The following ROS1 variants were observed in gnomAD, a reference collection of about 807,000 sequenced individuals.
ROS1 encodes proto-oncogene tyrosine-protein kinase ROS.
Under a neutral mutation model 273.5 loss-of-function variants are expected in ROS1, and 263 were observed. The ratio of observed to expected loss-of-function variants is 0.96; its 90% CI spans 0.87 to 1.06. The LOEUF (loss-of-function observed/expected upper bound fraction) is 1.06, where lower values mean the gene tolerates loss of function less well. ROS1 is among the 50% of genes least tolerant of loss of function. The pLI is 0.00. For synonymous variants in ROS1, 1,008 were observed against 954.1 expected, an observed-to-expected ratio of 1.06 and a Z score of -1.04; for missense variants, 2,833 against 2,751.1, an observed-to-expected ratio of 1.03 and a Z score of -0.67.
At chr6:117,353,232 T>G (rs1340186206) in intron 26 of ROS1, 66 bp from the exon 27 acceptor site, 2 of 1,196,438 alleles carry the variant, frequency 1.7e-6, no homozygotes, top group Non-Finnish European at 2.3e-6. Flanking sequence ...ACTCTAAAAA[T>G]GTATGAAATT....
At chr6:117,307,570 TC>T (rs1348481820) in intron 42 of ROS1, among the ~76,000 whole-genome samples, 1 of 152,002 alleles carries the variant, frequency 6.6e-6, no homozygotes, top group Non-Finnish European at 1.5e-5. Context: ...TTTCCCCATT[TC>T]CCCCCAAAAT....
chr6:117,388,764 C>T (rs1772805383), intron 13 of ROS1, among the ~76,000 whole-genome samples: 1 of 152,190 alleles, frequency 6.6e-6, no homozygotes, highest in South Asian at 2.1e-4. Context: ...AAGTGCTCTA[C>T]TAATGTGTTT....
chr6:117,386,804 C>G (rs1772615745), intron 15 of ROS1, 85 bp downstream of exon 15: 1 of 639,674 alleles, frequency 1.6e-6, no homozygotes. Context: ...ACAAAAATAC[C>G]CTATTCTTTT....
chr6:117,344,544 T>C (rs976627841), intron 27 of ROS1, among the ~76,000 whole-genome samples: 3 of 152,204 alleles, frequency 2.0e-5, no homozygotes, highest in African/African-American at 7.2e-5. Flanking sequence ...CTGATATTGT[T>C]CAGGGCAGTA....
chr6:117,378,060 T>A (rs954776529), intron 18 of ROS1, among the ~76,000 whole-genome samples: 6 of 152,156 alleles, frequency 3.9e-5, no homozygotes, highest in Non-Finnish European at 5.9e-5. Flanking sequence ...GAACCACAAT[T>A]TTCATACATT....
chr6:117,384,537 T>C (rs1224611610), intron 16 of ROS1, among the ~76,000 whole-genome samples: 1 of 152,222 alleles, frequency 6.6e-6, no homozygotes, highest in Admixed American at 6.5e-5. Context: ...GCTGGACAAA[T>C]AAATAAATGG....
chr6:117,375,607 C>T (rs1446344751), intron 18 of ROS1, among the ~76,000 whole-genome samples: 1 of 151,942 alleles, frequency 6.6e-6, no homozygotes, highest in Admixed American at 6.6e-5. Flanking sequence ...TAAAACAATA[C>T]AATAAATGTA....
chr6:117,420,668 G>T (rs79320965), intron 1 of ROS1, among the ~76,000 whole-genome samples: 3,429 of 151,608 alleles, frequency 0.023, 50 homozygotes, highest in Middle Eastern at 0.056. Flanking sequence ...CATGATATTT[G>T]CTCCCAATGT....
At chr6:117,399,924 A>G (rs577418049) in intron 7 of ROS1, among the ~76,000 whole-genome samples, 2 of 152,318 alleles carry the variant, frequency 1.3e-5, no homozygotes, top group Admixed American at 1.3e-4. Flanking sequence ...TTGAGAAGCA[A>G]GTGAAGCAAT....
Position 117,341,597 on chromosome 6 carries a change from G to A in ROS1, c.4687C>T (p.Arg1563Trp), listed in dbSNP as rs199762082. ...GATATAATGAGGCTGGTGTCTGACC[G>A]CACAGTTGTATTAATGAGCTGCACT... ...EAVQLINTTV[R>W]SDTSLIISWR... Residue 1563 changes from arginine to tryptophan, a missense_variant, in exon 30 of 44, where the codon CGG (arginine) becomes TGG (tryptophan). Transcript: ENST00000368507. The A allele has an allele frequency of 3.0e-4, 492 of 1,613,260 alleles. 1 individual carries two copies. The highest frequency in any genetic ancestry group is 3.6e-4 in the Non-Finnish European group (429 of 1,179,520).
rs1281679192 is a variant in ROS1 at position 117,425,740 on chromosome 6, A to G, written c.-84T>C. ...GAATTATTTGGGCTTCATCACTTCAATTGGAGGAGTAGCTGATGGATTTTG... is the reference window on the plus strand; with the variant it reads ...GAATTATTTGGGCTTCATCACTTCAGTTGGAGGAGTAGCTGATGGATTTTG... On this transcript the variant is annotated 5_prime_UTR_variant, in exon 1 of 44. Transcript: ENST00000368507. 12 of 1,422,344 alleles carry G rather than the reference A, an allele frequency of 8.4e-6. No homozygotes were observed. The highest frequency in any genetic ancestry group is 1.4e-5 in the African/African-American group (1 of 69,928). 88.1% of individuals were successfully genotyped at this position (1,422,344 alleles called of 1,614,324 possible).
chr6:117,301,801 T>C (rs1273923989), intron 42 of ROS1: 4 of 152,252 alleles, frequency 2.6e-5, no homozygotes, highest in African/African-American at 7.2e-5. Context: ...GTGACAGAAC[T>C]AGAAGCAGCA....
At position 117,383,498 on chromosome 6, in the gene ROS1, T is replaced by G. The variant is rs745689107; in HGVS notation, c.2300A>C (p.Gln767Pro). ...GTCTGTGTGTCCCGTCAACACAGAC[T>G]GCCTTTGTATCTAAAAAACATAATT... ...WAGKTYVIQR[Q>P]SVLTGHTDIV... Residue 767 changes from glutamine (Q) to proline (P), a missense_variant, in exon 17 of 44, where the codon CAG becomes CCG. Transcript: ENST00000368507. 46 of 1,613,028 alleles carry G rather than the reference T, an allele frequency of 2.9e-5. No homozygotes were observed. The South Asian group carries it at 4.9e-4, about 17-fold the overall frequency.
At chr6:117,304,156 G>C (rs1582560993) in intron 42 of ROS1, among the ~76,000 whole-genome samples, 1 of 152,142 alleles carries the variant, frequency 6.6e-6, no homozygotes, top group Admixed American at 6.6e-5. Context: ...AATCATATCT[G>C]AGAAATAACC....
rs1562267726 is a variant in ROS1 at position 117,319,983 on chromosome 6, C to T, written c.5807G>A (p.Arg1936Gln). 8.1e-6 allele frequency: 13 copies of T among 1,613,226 alleles called. No individual in the cohort carries two copies. The highest frequency in any genetic ancestry group is 4.5e-5 in the East Asian group (2 of 44,862). ...CAAGAGACGCAGAGTCAGTTTTTCCCGAGGGAAGGCAGGAAGATTTTCAAT... is the reference window on the plus strand; with the variant it reads ...CAAGAGACGCAGAGTCAGTTTTTCCTGAGGGAAGGCAGGAAGATTTTCAAT... ...EEIENLPAFPREKLTLRLLLG... is the reference protein window; with the variant it reads ...EEIENLPAFPQEKLTLRLLLG... The change falls in exon 37 of 44, where the codon CGG becomes CAG. Residue 1936 changes from arginine to glutamine, a missense_variant. Coordinates refer to ENST00000368507, the MANE Select transcript of ROS1 (RefSeq NM_001378902.1).
chr6:117,300,126 T>G (rs9387463), intron 43 of ROS1, among the ~76,000 whole-genome samples: 1 of 146,138 alleles, frequency 6.8e-6, no homozygotes, highest in Non-Finnish European at 1.5e-5. Flanking sequence ...ATTTTTTTTG[T>G]ATTTTTAGTA....
chr6:117,366,225 A>T lies in ROS1; in HGVS notation c.2648T>A (p.Leu883Gln), dbSNP rs369516763. 1 of 1,614,114 alleles carries T rather than the reference A, an allele frequency of 6.2e-7. No homozygotes were observed. The highest frequency in any genetic ancestry group is 8.5e-7 in the Non-Finnish European group (1 of 1,179,988). ...GAACAGCCGACCACTATAGTACATC[A>T]GTGCATTCTGGGAAATTTCAGAAGT... ...WSTSEISQNA[L>Q]MYYSGRLFWI... Residue 883 changes from leucine to glutamine, a missense_variant, in exon 19 of 44, where the codon CTG becomes CAG. Leu to Gln is a moderately radical substitution (Grantham distance 113, BLOSUM62 -2). Coordinates refer to ENST00000368507, the MANE Select transcript of ROS1 (RefSeq NM_001378902.1).
chr6:117,288,381 T>C lies in ROS1; in HGVS notation c.*111A>G. 9.8e-7 allele frequency: 1 copy of C among 1,023,356 alleles called. No individual in the cohort carries two copies. Among genetic ancestry groups the C allele is most frequent in the Non-Finnish European group, 1.4e-6 (1 of 699,380 alleles). The allele number at this position is 1,023,356 out of a possible 1,614,324, so 63.4% of individuals were successfully genotyped here. On this transcript the variant is annotated 3_prime_UTR_variant, in exon 44 of 44. Coordinates refer to ENST00000368507, the MANE Select transcript of ROS1 (RefSeq NM_001378902.1). Reference sequence around the variant, plus strand: ...ATTAGAAATCAGGAACGTTGCATTGTTTATTTGGAGTTATAGACCACCATG... The same window carrying C: ...ATTAGAAATCAGGAACGTTGCATTGCTTATTTGGAGTTATAGACCACCATG...
intron 12 of ROS1, among the ~76,000 whole-genome samples, chr6:117,390,809 C>T (rs1465292909): frequency 6.6e-6 from 1 of 152,064 alleles, no homozygotes; most frequent in Non-Finnish European, 1.5e-5. Context: ...AGAAGCACAT[C>T]TAATTTAAAG....
Sources: allele counts gnomAD v4.1 joint callset (sites outside exome capture counted in the v4.1 genomes callset), GRCh38; gene constraint gnomAD v4.1.1; transcripts MANE v1.5; gene names NCBI Gene and HGNC (gene_info 2026-07-23, HGNC 2026-07-21).